The following C9orf43 variants were observed in gnomAD, a reference collection of about 807,000 sequenced individuals.
C9orf43 encodes the protein chromosome 9 open reading frame 43, also known as uncharacterized protein C9orf43.
C9orf43 carries 45 observed loss-of-function variants against 59.1 expected under a neutral mutation model. That is an observed-to-expected ratio of 0.76 (90% CI 0.60 to 0.98). The LOEUF (loss-of-function observed/expected upper bound fraction) is 0.98. Among genes scored for constraint, C9orf43 ranks in the 50% least tolerant of loss-of-function variants. C9orf43 has a pLI of 0.00. For missense variants in C9orf43, 533 were observed against 554.9 expected (o/e 0.96, Z 0.40); for synonymous variants, 203 against 196.8 (o/e 1.03, Z -0.26).
chr9:113,417,593 C>G (rs927203996), intron 3 of C9orf43, among the ~76,000 whole-genome samples: 1 of 152,200 alleles, frequency 6.6e-6, no homozygotes, highest in Non-Finnish European at 1.5e-5. Context: ...AAAGGGTTCC[C>G]AAGTCAGGGC....
intron 3 of C9orf43, among the ~76,000 whole-genome samples, chr9:113,416,855 T>G (rs184206133): frequency 1.3e-5 from 2 of 152,292 alleles, no homozygotes; most frequent in Admixed American, 6.5e-5. Context: ...CTCCAGACAT[T>G]ACCAGATGTC....
intron 5 of C9orf43, among the ~76,000 whole-genome samples, chr9:113,422,177 G>A (rs1486759883): frequency 1.3e-5 from 2 of 152,166 alleles, no homozygotes; most frequent in Non-Finnish European, 2.9e-5. Flanking sequence ...AATAGATTTG[G>A]TCCCTGTCCT....
intron 8 of C9orf43, 85 bp from the exon 9 acceptor site, chr9:113,424,934 G>C (rs778115994): frequency 3.3e-4 from 387 of 1,179,780 alleles, no homozygotes; most frequent in Non-Finnish European, 4.5e-4. Flanking sequence ...TTGTTGACTG[G>C]ATGAATAAAC....
intron 3 of C9orf43, among the ~76,000 whole-genome samples, chr9:113,414,720 A>G (rs959961488): frequency 5.9e-5 from 9 of 152,228 alleles, no homozygotes; most frequent in Middle Eastern, 3.4e-3. Context: ...TTAAAAAACC[A>G]TATCTCCAAA....
chr9:113,425,836 G>T, intron 11 of C9orf43, 106 bp downstream of exon 11: 5 of 873,080 alleles, frequency 5.7e-6, no homozygotes, highest in Middle Eastern at 2.2e-4. Flanking sequence ...ACCTGCCTTT[G>T]TCAGGCACTC....
In C9orf43 at chr9:113,413,335, T is replaced by C. The variant is rs907363925; in HGVS notation, c.-49-110T>C. 102 of 960,328 alleles carry C rather than the reference T, an allele frequency of 1.1e-4. No individual in the cohort carries two copies. The African/African-American group carries it at 1.5e-3, about 14-fold the overall frequency. The allele number at this position is 960,328 out of a possible 1,614,324, so 59.5% of individuals were successfully genotyped here. On this transcript the variant is annotated intron_variant, in intron 1 of 13. Transcript: ENST00000374165. ...TCTTTAATTATTTTGTGGCCATCAT[T>C]TACCTATATAGGTTCAATAGAAATA...
chr9:113,415,873 C>A (rs1828337418), intron 3 of C9orf43, among the ~76,000 whole-genome samples: 1 of 152,192 alleles, frequency 6.6e-6, no homozygotes, highest in East Asian at 1.9e-4. Context: ...TTAATGATTT[C>A]TCTTTGGCTA....
At chr9:113,425,752 T>G in intron 11 of C9orf43, 22 bp downstream of exon 11, 2 of 1,587,320 alleles carry the variant, frequency 1.3e-6, no homozygotes, top group Admixed American at 3.3e-5. Context: ...ATATGCTTGG[T>G]TGGGGGTGAT....
rs758973957 is a variant in C9orf43 at position 113,413,905 on chromosome 9, A to G, written c.287+11A>G. 6 of 1,606,392 alleles carry G rather than the reference A, an allele frequency of 3.7e-6. No individual in the cohort carries two copies. The highest frequency in any genetic ancestry group is 3.4e-5 in the Admixed American group (2 of 58,254). On this transcript the variant is annotated intron_variant, in intron 3 of 13. Coordinates refer to ENST00000374165, the MANE Select transcript of C9orf43 (RefSeq NM_001278629.2). ...CAAATTTCATGGCAGGTAAATTATC[A>G]TGGAATCTTCCTTTACAGCCTATTG...
intron 5 of C9orf43, 81 bp downstream of exon 5, chr9:113,421,284 C>T: frequency 1.0e-6 from 1 of 1,001,724 alleles, no homozygotes; most frequent in Non-Finnish European, 1.6e-6. Flanking sequence ...TTGTGATCTC[C>T]CATTTAGCCA....
Position 113,421,153 on chromosome 9 carries a change from T to C in C9orf43, c.396T>C (p.Val132=), listed in dbSNP as rs760849364. 1 of 1,613,766 alleles carries C rather than the reference T, an allele frequency of 6.2e-7. No homozygotes were observed. The change falls in exon 5 of 14, where the codon GTT becomes GTC. Residue 132 remains valine, a synonymous_variant. Transcript: ENST00000374165. ...CGCAACTTCCCTGCCCTGAAGATGT[T>C]AGAAATATGGTTGTATTGTGGATCC... ...NETQLPCPED[V]RNMVVLWIPE...
At chr9:113,420,583 A>G in intron 4 of C9orf43, among the ~76,000 whole-genome samples, 1 of 152,070 alleles carries the variant, frequency 6.6e-6, no homozygotes, top group Non-Finnish European at 1.5e-5. Context: ...TAGGTGATTT[A>G]TAAGATTTCC....
chr9:113,425,540 G>T (rs1222060585), intron 10 of C9orf43, 103 bp from the exon 11 acceptor site: 17 of 1,487,066 alleles, frequency 1.1e-5, no homozygotes, highest in East Asian at 2.4e-5. Context: ...AAAAGTTCTT[G>T]TCTGGTTGTA....
At chr9:113,414,711 T>A (rs1828296138) in intron 3 of C9orf43, among the ~76,000 whole-genome samples, 1 of 152,154 alleles carries the variant, frequency 6.6e-6, no homozygotes, top group Non-Finnish European at 1.5e-5. Context: ...AATAACTTTT[T>A]AAAAAACCAT....
In C9orf43 at chr9:113,425,668, A is replaced by G; in HGVS notation, c.968A>G (p.Asp323Gly). The G allele has an allele frequency of 6.2e-7, 1 of 1,614,154 alleles. No homozygotes were observed. Among genetic ancestry groups the G allele is most frequent in the Non-Finnish European group, 8.5e-7 (1 of 1,179,998 alleles). ...GAGGCTAAAAAGAAAGCCAAGAGTG[A>G]TCCAGGGATCCAGAGCACTTCACAT... The part of the protein sequence containing the change: ...KQEAKKKAKS[D>G]PGIQSTSHKH... Residue 323 changes from aspartate to glycine, a missense_variant, in exon 11 of 14, where the codon GAT (aspartate) becomes GGT (glycine). Physicochemically the swap from Asp to Gly is moderately conservative, Grantham distance 94. Coordinates refer to ENST00000374165, the MANE Select transcript of C9orf43 (RefSeq NM_001278629.2).
At chr9:113,428,835 TAGA>T in intron 12 of C9orf43, 62 bp from the exon 13 acceptor site, 1 of 1,405,952 alleles carries the variant, frequency 7.1e-7, no homozygotes, top group Non-Finnish European at 1.0e-6. Context: ...AAGCATCTTT[TAGA>T]AAAATCCTTT....
chr9:113,425,516 T>G (rs1828755311), intron 10 of C9orf43, 96 bp downstream of exon 10: 1 of 1,496,290 alleles, frequency 6.7e-7, no homozygotes, highest in East Asian at 2.4e-5. Context: ...TTGTTTTCTA[T>G]CTGGTTATAG....
chr9:113,422,496 T>A, intron 5 of C9orf43, 53 bp from the exon 6 acceptor site: 7 of 1,605,876 alleles, frequency 4.4e-6, no homozygotes, highest in Non-Finnish European at 5.9e-6. Context: ...TACTCTTATT[T>A]CAAGTCCAGC....
At chr9:113,428,808 GT>G (rs1237139277) in intron 12 of C9orf43, 91 bp from the exon 13 acceptor site, 62 of 1,141,086 alleles carry the variant, frequency 5.4e-5, no homozygotes, top group Non-Finnish European at 8.1e-5. Flanking sequence ...CATCTTAGAT[GT>G]TAATTTCTCC....
Sources: allele counts gnomAD v4.1 joint callset (sites outside exome capture counted in the v4.1 genomes callset), GRCh38; gene constraint gnomAD v4.1.1; transcripts MANE v1.5; gene names NCBI Gene and HGNC (gene_info 2026-07-23, HGNC 2026-07-21).